CDH13: variants seen among roughly 807,000 people sequenced by gnomAD.
The protein encoded by CDH13 is cadherin 13.
Under a neutral mutation model 63.8 loss-of-function variants are expected in CDH13, and 24 were observed. The ratio of observed to expected loss-of-function variants is 0.38; its 90% CI spans 0.27 to 0.53. The LOEUF is 0.53. CDH13 is among the 20% of genes least tolerant of loss of function. CDH13 has a pLI of 0.85. For synonymous variants in CDH13, 503 were observed against 355.3 expected (o/e 1.42, Z -4.67); for missense variants, 1,049 against 903.1 (o/e 1.16, Z -2.07).
chr16:83,792,327 A>G (rs1192989036), intron 13 of CDH13, among the ~76,000 whole-genome samples: 2 of 152,226 alleles, frequency 1.3e-5, no homozygotes, highest in South Asian at 2.1e-4. Flanking sequence ...AATTTCCTCA[A>G]GTAACCATCT....
chr16:82,890,650 C>CTT (rs34036747), intron 2 of CDH13, among the ~76,000 whole-genome samples: 10,631 of 139,208 alleles, frequency 0.076, 571 homozygotes, highest in Middle Eastern at 0.17. Flanking sequence ...GAGAGACATT[C>CTT]TTTTTTTTTT....
intron 1 of CDH13, among the ~76,000 whole-genome samples, chr16:82,691,138 C>T (rs1341343772): frequency 6.6e-6 from 1 of 152,190 alleles, no homozygotes; most frequent in Non-Finnish European, 1.5e-5. Context: ...TAACAATCAG[C>T]CAAATGAACA....
chr16:83,203,020 G>T (rs1197165468), intron 4 of CDH13, among the ~76,000 whole-genome samples: 2 of 151,884 alleles, frequency 1.3e-5, no homozygotes, highest in Non-Finnish European at 2.9e-5. Context: ...GAGGTCACAA[G>T]TTCGAGACCA....
chr16:83,093,422 G>A (rs576222277), intron 3 of CDH13, among the ~76,000 whole-genome samples: 5 of 138,810 alleles, frequency 3.6e-5, no homozygotes, highest in South Asian at 2.4e-4. Flanking sequence ...GGGTTCAAGC[G>A]ATTCTCCTGC....
chr16:83,297,245 CAAAG>C (rs1041459032), intron 5 of CDH13, among the ~76,000 whole-genome samples: 4 of 152,058 alleles, frequency 2.6e-5, no homozygotes, highest in Non-Finnish European at 4.4e-5. Context: ...GCTCTCAACA[CAAAG>C]AAATGGCAAG....
chr16:83,002,979 C>T (rs146354189), intron 2 of CDH13, among the ~76,000 whole-genome samples: 5 of 152,182 alleles, frequency 3.3e-5, no homozygotes, highest in African/African-American at 4.8e-5. Context: ...TTGCAAAAGC[C>T]TGGAGAGGTA....
At chr16:83,172,478 G>C (rs909920204) in intron 4 of CDH13, among the ~76,000 whole-genome samples, 1 of 151,760 alleles carries the variant, frequency 6.6e-6, no homozygotes, top group East Asian at 1.9e-4. Context: ...GTGACAGAGA[G>C]ACTCTGTCTC....
At chr16:83,208,309 C>G (rs548175172) in intron 4 of CDH13, among the ~76,000 whole-genome samples, 123 of 152,268 alleles carry the variant, frequency 8.1e-4, no homozygotes, top group African/African-American at 2.9e-3. Flanking sequence ...GCATGGTACT[C>G]CAGCTACCCA....
intron 1 of CDH13, among the ~76,000 whole-genome samples, chr16:82,696,682 A>G (rs2030334835): frequency 6.6e-6 from 1 of 152,212 alleles, no homozygotes; most frequent in African/African-American, 2.4e-5. Context: ...AGTTAGGTCA[A>G]CTGTGGTGGT....
intron 13 of CDH13, among the ~76,000 whole-genome samples, chr16:83,790,605 G>A (rs1321938698): frequency 6.6e-6 from 1 of 152,026 alleles, no homozygotes; most frequent in Admixed American, 6.6e-5. Flanking sequence ...GGGTTTCACC[G>A]TGTTAGCCTG....
intron 10 of CDH13, among the ~76,000 whole-genome samples, chr16:83,690,256 C>A (rs1489738497): frequency 6.6e-6 from 1 of 152,102 alleles, no homozygotes; most frequent in Non-Finnish European, 1.5e-5. Context: ...TTAATAAATA[C>A]AATAAGTAGC....
intron 5 of CDH13, among the ~76,000 whole-genome samples, chr16:83,301,025 G>GTTTTTTTTTTTTTT (rs3052591): frequency 1.0e-4 from 8 of 78,756 alleles, no homozygotes; most frequent in Admixed American, 2.1e-4. Context: ...ACTTTCTGGG[G>GTTTTTTTTTTTTTT]TTTTTTTTTT....
At chr16:83,131,521 C>T (rs370386142) in intron 4 of CDH13, among the ~76,000 whole-genome samples, 3 of 152,120 alleles carry the variant, frequency 2.0e-5, no homozygotes, top group Admixed American at 6.5e-5. Context: ...AATAATTTCT[C>T]AGTTTTACCA....
intron 6 of CDH13, among the ~76,000 whole-genome samples, chr16:83,429,335 T>C (rs1224022183): frequency 6.6e-6 from 1 of 152,174 alleles, no homozygotes; most frequent in East Asian, 1.9e-4. Flanking sequence ...ACAGGGGACT[T>C]ATGCAAACCT....
intron 1 of CDH13, among the ~76,000 whole-genome samples, chr16:82,729,746 T>G (rs557307297): frequency 5.3e-5 from 8 of 152,270 alleles, no homozygotes; most frequent in African/African-American, 1.9e-4. Flanking sequence ...GTGACTTCTC[T>G]CTATCTAGGC....
At chr16:83,750,617 A>G (rs967886019) in intron 11 of CDH13, among the ~76,000 whole-genome samples, 2 of 152,174 alleles carry the variant, frequency 1.3e-5, no homozygotes, top group Non-Finnish European at 2.9e-5. Flanking sequence ...CAAAGGGGGA[A>G]TTTGAAGACA....
chr16:83,034,623 C>T (rs769427379), intron 3 of CDH13, among the ~76,000 whole-genome samples: 16 of 152,152 alleles, frequency 1.1e-4, no homozygotes, highest in Non-Finnish European at 2.2e-4. Flanking sequence ...AGGGGGTTTG[C>T]CCATGGGCTT....
chr16:82,961,592 A>AAC (rs1555549325), intron 2 of CDH13, among the ~76,000 whole-genome samples: 26 of 149,564 alleles, frequency 1.7e-4, no homozygotes, highest in Non-Finnish European at 3.4e-4. Context: ...AAAAAAAAAA[A>AAC]AAAACTACTG....
At chr16:82,995,850 C>T (rs377296649) in intron 2 of CDH13, among the ~76,000 whole-genome samples, 28 of 152,208 alleles carry the variant, frequency 1.8e-4, no homozygotes, top group African/African-American at 6.0e-4. Context: ...AACCCTCTCG[C>T]GGGCTGCTGG....
Sources: allele counts gnomAD v4.1 joint callset (sites outside exome capture counted in the v4.1 genomes callset), GRCh38; gene constraint gnomAD v4.1.1; transcripts MANE v1.5; gene names NCBI Gene and HGNC (gene_info 2026-07-23, HGNC 2026-07-21).